Variants in EFCAB11 observed in about 807,000 individuals in gnomAD.
The protein encoded by EFCAB11 is EF-hand calcium binding domain 11.
Under a neutral mutation model 23.0 loss-of-function variants are expected in EFCAB11, and 14 were observed. That is an observed-to-expected ratio of 0.61 (90% CI 0.40 to 0.95). The LOEUF is 0.95. Among genes scored for constraint, EFCAB11 ranks in the 40% least tolerant of loss-of-function variants. The pLI, the probability that EFCAB11 is intolerant of heterozygous loss-of-function variation, is 0.00. For synonymous variants in EFCAB11, 65 were observed against 66.6 expected (o/e 0.98, Z 0.11); for missense variants, 198 against 195.8 (o/e 1.01, Z -0.07).
chr14:89,870,297 C>T (rs1440353718), intron 5 of EFCAB11, among the ~76,000 whole-genome samples: 1 of 152,140 alleles, frequency 6.6e-6, no homozygotes, highest in African/African-American at 2.4e-5. Context: ...TATCTACTAT[C>T]TAAGAAAGGT....
intron 3 of EFCAB11, among the ~76,000 whole-genome samples, chr14:89,938,559 T>A (rs557087410): frequency 6.6e-6 from 1 of 151,136 alleles, no homozygotes; most frequent in Non-Finnish European, 1.5e-5. Context: ...TGTAGGGAAA[T>A]AAAGAGAAAA....
chr14:89,825,232 T>G (rs1311966988), intron 5 of EFCAB11, among the ~76,000 whole-genome samples: 1 of 151,824 alleles, frequency 6.6e-6, no homozygotes, highest in African/African-American at 2.4e-5. Flanking sequence ...ACAGTACATT[T>G]CATAATAACC....
intron 5 of EFCAB11, among the ~76,000 whole-genome samples, chr14:89,806,804 T>A (rs1342332129): frequency 6.6e-6 from 1 of 152,176 alleles, no homozygotes. Context: ...TAAGATTTGG[T>A]TCAGTTCTCA....
chr14:89,910,676 C>T (rs951042861), intron 5 of EFCAB11, among the ~76,000 whole-genome samples: 6 of 151,956 alleles, frequency 3.9e-5, no homozygotes, highest in African/African-American at 1.2e-4. Context: ...GTCTAAGTTT[C>T]GTCACTGAAT....
chr14:89,892,302 C>T, intron 5 of EFCAB11: 4 of 1,613,822 alleles, frequency 2.5e-6, no homozygotes, highest in Non-Finnish European at 3.4e-6. Flanking sequence ...GCCTTTGACG[C>T]CCTCACTGAT....
intron 1 of EFCAB11, 58 bp from the exon 2 acceptor site, chr14:89,954,059 A>G: frequency 6.9e-7 from 1 of 1,459,584 alleles, no homozygotes; most frequent in East Asian, 2.3e-5. Flanking sequence ...TTTTATTACT[A>G]GTTTATTATA....
At chr14:89,936,538 T>C (rs532806839) in intron 3 of EFCAB11, among the ~76,000 whole-genome samples, 18 of 152,354 alleles carry the variant, frequency 1.2e-4, no homozygotes, top group South Asian at 8.3e-4. Flanking sequence ...CACAATCATA[T>C]GCTTTTATTT....
chr14:89,911,438 G>C (rs536435792), intron 5 of EFCAB11, among the ~76,000 whole-genome samples: 1 of 152,174 alleles, frequency 6.6e-6, no homozygotes, highest in Non-Finnish European at 1.5e-5. Flanking sequence ...ACAAACACGA[G>C]AACCTTCCTC....
At chr14:89,904,662 G>A (rs1401488895) in intron 5 of EFCAB11, among the ~76,000 whole-genome samples, 1 of 151,984 alleles carries the variant, frequency 6.6e-6, no homozygotes, top group Non-Finnish European at 1.5e-5. Context: ...TTTAATGATC[G>A]CCATTCTAAC....
intron 5 of EFCAB11, among the ~76,000 whole-genome samples, chr14:89,886,821 A>G (rs983312150): frequency 2.0e-5 from 3 of 152,214 alleles, no homozygotes. Flanking sequence ...CAGCAGATAC[A>G]CAATTCTCAG....
chr14:89,814,917 C>A (rs953952065), intron 5 of EFCAB11, among the ~76,000 whole-genome samples: 1 of 152,048 alleles, frequency 6.6e-6, no homozygotes, highest in African/African-American at 2.4e-5. Flanking sequence ...AAGAAAGGAA[C>A]GCCAATTTGT....
chr14:89,930,548 C>T (rs924415093), intron 5 of EFCAB11, among the ~76,000 whole-genome samples: 2 of 152,120 alleles, frequency 1.3e-5, no homozygotes, highest in African/African-American at 4.8e-5. Context: ...GGAGTGCATA[C>T]CTTCTACTTT....
intron 5 of EFCAB11, among the ~76,000 whole-genome samples, chr14:89,893,286 T>C (rs566156217): frequency 2.5e-4 from 38 of 152,198 alleles, no homozygotes; most frequent in African/African-American, 9.2e-4. Context: ...GGAATGGGAT[T>C]AATATGTGAT....
intron 5 of EFCAB11, among the ~76,000 whole-genome samples, chr14:89,850,938 A>G (rs1309797921): frequency 1.3e-5 from 2 of 152,198 alleles, no homozygotes; most frequent in African/African-American, 4.8e-5. Context: ...AACACTCAGT[A>G]TCTTGCCTAG....
At chr14:89,817,843 A>C (rs1011743112) in intron 5 of EFCAB11, among the ~76,000 whole-genome samples, 2 of 151,956 alleles carry the variant, frequency 1.3e-5, no homozygotes, top group Non-Finnish European at 2.9e-5. Flanking sequence ...AAAATACAAA[A>C]ATCAGCCGGG....
rs1397107170 is a variant in EFCAB11, at chr14:89,834,538, G to A, written c.411-37214C>T. Among the ~76,000 whole-genome samples the A allele has an allele frequency of 1.2e-4, 18 of 152,190 alleles. No individual in the cohort carries two copies. In the East Asian group the frequency reaches 3.1e-3, roughly 26 times the overall value. On this transcript the variant is annotated intron_variant, in intron 5 of 5. Coordinates refer to ENST00000316738, the MANE Select transcript of EFCAB11 (RefSeq NM_145231.4). ...AGTGCAAGGAATTAGAAGGGAAGCC[G>A]CCTCCGGCAGAACTCTGCGGAAGAC... is the stretch of plus-strand genomic sequence containing the variant.
intron 5 of EFCAB11, among the ~76,000 whole-genome samples, chr14:89,866,329 A>G (rs577510476): frequency 7.2e-5 from 11 of 152,176 alleles, no homozygotes; most frequent in Non-Finnish European, 1.5e-4. Context: ...TTAAGCCCCA[A>G]TTAAACGCAT....
intron 5 of EFCAB11, among the ~76,000 whole-genome samples, chr14:89,877,481 G>A (rs897237708): frequency 1.3e-5 from 2 of 152,194 alleles, no homozygotes; most frequent in African/African-American, 4.8e-5. Context: ...AATTCAGAAC[G>A]AGGTGGCGAA....
chr14:89,920,962 G>T (rs1025274731), intron 5 of EFCAB11, among the ~76,000 whole-genome samples: 9 of 151,908 alleles, frequency 5.9e-5, no homozygotes, highest in Non-Finnish European at 1.2e-4. Flanking sequence ...CTACTTGGGA[G>T]GCTGAGGCAG....
Sources: allele counts gnomAD v4.1 joint callset (sites outside exome capture counted in the v4.1 genomes callset), GRCh38; gene constraint gnomAD v4.1.1; transcripts MANE v1.5; gene names NCBI Gene and HGNC (gene_info 2026-07-23, HGNC 2026-07-21).